TAB2: variants seen among roughly 807,000 people sequenced by gnomAD.
The protein encoded by TAB2 is TGF-beta-activated kinase 1 and MAP3K7-binding protein 2.
TAB2 carries 3 observed loss-of-function variants against 65.0 expected under a neutral mutation model. The ratio of observed to expected loss-of-function variants is 0.05; its 90% CI spans 0.02 to 0.12. The LOEUF is 0.12. Among genes scored for constraint, TAB2 ranks in the 10% least tolerant of loss-of-function variants. The probability of loss-of-function intolerance (pLI) is 1.00; values close to 1 mark genes in which losing one functional copy is unlikely to be tolerated. For synonymous variants in TAB2, 298 were observed against 285.1 expected (o/e 1.05, Z -0.46); for missense variants, 623 against 840.3 (o/e 0.74, Z 3.20).
chr6:149,325,488 C>G (rs1165716189), intron 1 of TAB2, among the ~76,000 whole-genome samples: 1 of 152,074 alleles, frequency 6.6e-6, no homozygotes, highest in Non-Finnish European at 1.5e-5. Context: ...AACAAAACAT[C>G]ATCATTATTT....
At chr6:149,226,507 CTGA>C (rs143578841) in intron 1 of TAB2, among the ~76,000 whole-genome samples, 1,705 of 152,324 alleles carry the variant, frequency 0.011, 28 homozygotes, top group African/African-American at 0.039. Context: ...GTGCTTACTT[CTGA>C]TGATTTATTC....
At chr6:149,245,024 G>A (rs1430841889) in intron 1 of TAB2, 1 of 152,216 alleles carries the variant, frequency 6.6e-6, no homozygotes, top group Non-Finnish European at 1.5e-5. Context: ...GAGAGATCAA[G>A]TAACTTGCCC....
chr6:149,347,275 C>T (rs902721890), intron 1 of TAB2: 1 of 152,178 alleles, frequency 6.6e-6, no homozygotes, highest in Non-Finnish European at 1.5e-5. Context: ...TGTTAACCAT[C>T]AGAAATTGTC....
chr6:149,398,080 T>G lies in TAB2; in HGVS notation c.1858+18T>G. 6.2e-7 allele frequency: 1 copy of G among 1,602,650 alleles called. No individual in the cohort carries two copies. The highest frequency in any genetic ancestry group is 8.5e-7 in the Non-Finnish European group (1 of 1,170,180). ...AGCCCGAGGTAAAGTTCAGTGTATT[T>G]GTAGCTGAAATTCATCGTATTTAAT... On this transcript the variant is annotated intron_variant, in intron 5 of 6. Coordinates refer to ENST00000637181, the MANE Select transcript of TAB2 (RefSeq NM_001292034.3).
intron 1 of TAB2, among the ~76,000 whole-genome samples, chr6:149,309,689 G>A (rs368799700): frequency 1.4e-5 from 2 of 148,094 alleles, no homozygotes; most frequent in Non-Finnish European, 3.0e-5. Context: ...GAGCCACCAC[G>A]CCTGCCCTCA....
intron 1 of TAB2, among the ~76,000 whole-genome samples, chr6:149,308,588 C>T (rs1249239151): frequency 6.6e-6 from 1 of 151,812 alleles, no homozygotes; most frequent in Non-Finnish European, 1.5e-5. Flanking sequence ...AGTGCAGTGG[C>T]ACAATCTCAG....
chr6:149,264,478 C>CT (rs11435730), intron 1 of TAB2, among the ~76,000 whole-genome samples: 76,044 of 151,796 alleles, frequency 0.5, 20,070 homozygotes, highest in East Asian at 0.69. Context: ...ATTTTTTTTA[C>CT]TTTTTTTGGT....
In TAB2 at chr6:149,335,555, G is replaced by T. The variant is rs141755611; in HGVS notation, c.-90+17540G>T. On this transcript the variant is annotated intron_variant, in intron 1 of 6. Coordinates refer to ENST00000637181, the MANE Select transcript of TAB2 (RefSeq NM_001292034.3). ...GCTAATACTTTTTTTCTAACTTTTT[G>T]TAGAGGCAGGGTTTTGCTGTATTGC... Among the ~76,000 whole-genome samples, 1,015 of 151,956 alleles carry T rather than the reference G, an allele frequency of 6.7e-3. 8 individuals carry two copies. Among genetic ancestry groups the T allele is most frequent in the African/African-American group, 0.023 (969 of 41,426 alleles).
chr6:149,250,443 T>A (rs1777836368), intron 1 of TAB2, among the ~76,000 whole-genome samples: 2 of 152,040 alleles, frequency 1.3e-5, no homozygotes. Context: ...GTACCTGGGA[T>A]TACGGGCATG....
chr6:149,350,566 T>C (rs1223278200), intron 1 of TAB2, among the ~76,000 whole-genome samples: 4 of 151,884 alleles, frequency 2.6e-5, no homozygotes, highest in Admixed American at 1.3e-4. Flanking sequence ...GTGAACGTTA[T>C]GTATTTCTTC....
At chr6:149,297,779 C>T (rs1220258990) in intron 1 of TAB2, among the ~76,000 whole-genome samples, 1 of 152,098 alleles carries the variant, frequency 6.6e-6, no homozygotes, top group Admixed American at 6.6e-5. Context: ...GTGGTCCTCC[C>T]ACCTCAGCCT....
intron 1 of TAB2, chr6:149,244,295 C>T (rs1438411622): frequency 2.6e-5 from 4 of 152,226 alleles, no homozygotes; most frequent in Non-Finnish European, 2.9e-5. Context: ...GCCGGCAACT[C>T]GGAAATGAAT....
At chr6:149,336,506 G>A (rs888462064) in intron 1 of TAB2, among the ~76,000 whole-genome samples, 3 of 152,104 alleles carry the variant, frequency 2.0e-5, no homozygotes, top group South Asian at 2.1e-4. Context: ...ACATGTCTCC[G>A]GGGATCTTAT....
At chr6:149,408,143 G>A (rs191487591) in intron 6 of TAB2, among the ~76,000 whole-genome samples, 34 of 130,092 alleles carry the variant, frequency 2.6e-4, no homozygotes, top group African/African-American at 3.0e-4. Flanking sequence ...ATGATTTTAC[G>A]TGGTAAAAAG....
chr6:149,273,108 C>A (rs1327555618), intron 1 of TAB2, among the ~76,000 whole-genome samples: 1 of 152,124 alleles, frequency 6.6e-6, no homozygotes, highest in African/African-American at 2.4e-5. Flanking sequence ...TCGAGGACCA[C>A]TGATCGAGTG....
chr6:149,395,020 G>A (rs772929212), intron 3 of TAB2, among the ~76,000 whole-genome samples: 15 of 152,222 alleles, frequency 9.9e-5, no homozygotes, highest in African/African-American at 2.4e-4. Flanking sequence ...TTTGGCCCAT[G>A]GGCCATAGTT....
intron 1 of TAB2, among the ~76,000 whole-genome samples, chr6:149,261,420 A>G (rs996985219): frequency 6.6e-6 from 1 of 152,256 alleles, no homozygotes; most frequent in Non-Finnish European, 1.5e-5. Flanking sequence ...TCATCTTTAA[A>G]GACAAAAAGA....
intron 1 of TAB2, among the ~76,000 whole-genome samples, chr6:149,242,563 C>T (rs561099772): frequency 1.3e-5 from 2 of 152,268 alleles, no homozygotes; most frequent in South Asian, 4.1e-4. Flanking sequence ...AGAGGCATTT[C>T]CTCTGAGGTT....
At chr6:149,391,210 G>A (rs1781971753) in intron 3 of TAB2, among the ~76,000 whole-genome samples, 1 of 152,002 alleles carries the variant, frequency 6.6e-6, no homozygotes, top group South Asian at 2.1e-4. Flanking sequence ...GAGGAAATCT[G>A]GTGTCAATAT....
Sources: gnomAD v4.1 joint callset for allele counts (sites outside exome capture counted in the v4.1 genomes callset) on GRCh38, gnomAD v4.1.1 for gene constraint, MANE v1.5 for transcripts, NCBI Gene and HGNC (gene_info 2026-07-23, HGNC 2026-07-21) for gene names.